Variants in RUSF1 observed in about 807,000 individuals in gnomAD.
RUSF1 encodes the protein RUS family member 1.
A neutral mutation model predicts 63.0 loss-of-function variants in RUSF1; 58 were observed. The ratio of observed to expected loss-of-function variants is 0.92; its 90% CI spans 0.75 to 1.15. The LOEUF (loss-of-function observed/expected upper bound fraction) is 1.15, where lower values mean the gene tolerates loss of function less well. Among genes scored for constraint, RUSF1 ranks in the 50% most tolerant of loss-of-function variants. The probability of loss-of-function intolerance (pLI) is 0.00; values close to 1 mark genes in which losing one functional copy is unlikely to be tolerated. For synonymous variants in RUSF1, 274 were observed against 255.8 expected (o/e 1.07, Z -0.68); for missense variants, 652 against 611.0 (o/e 1.07, Z -0.71).
At chr16:31,494,828 C>A (rs2082593775) in intron 6 of RUSF1, among the ~76,000 whole-genome samples, 1 of 152,022 alleles carries the variant, frequency 6.6e-6, no homozygotes. Flanking sequence ...CCTACCACCA[C>A]GCCTCTGCTA....
At chr16:31,493,410 G>T (rs144476126) in intron 9 of RUSF1, 57 bp downstream of exon 9, 4 of 1,541,528 alleles carry the variant, frequency 2.6e-6, no homozygotes, top group Non-Finnish European at 2.6e-6. Flanking sequence ...GTGTGTAATC[G>T]GAGTGAGGGG....
intron 5 of RUSF1, among the ~76,000 whole-genome samples, chr16:31,497,158 G>A (rs1167506346): frequency 6.6e-6 from 1 of 152,066 alleles, no homozygotes; most frequent in Non-Finnish European, 1.5e-5. Flanking sequence ...TTGGGGACTG[G>A]CCTCACAGAA....
chr16:31,493,226 C>T lies in RUSF1; in HGVS notation c.1017-178G>A, dbSNP rs556938288. On this transcript the variant is annotated intron_variant, in intron 9 of 12. Coordinates refer to ENST00000327237, the MANE Select transcript of RUSF1 (RefSeq NM_022744.4). ...CCAAATCCATCCTTTCTTCCTGTATCCAGTCATCCAACTTCCCCATCTACC... is the reference window on the plus strand; with the variant it reads ...CCAAATCCATCCTTTCTTCCTGTATTCAGTCATCCAACTTCCCCATCTACC... 4.7e-5 allele frequency: 41 copies of T among 870,912 alleles called. No homozygotes were observed. The South Asian group carries it at 5.3e-4, about 11-fold the overall frequency. 53.9% of individuals were successfully genotyped at this position (870,912 alleles called of 1,614,324 possible).
chr16:31,498,071 C>T lies in RUSF1; in HGVS notation c.601-1121G>A, dbSNP rs2082613409. Among the ~76,000 whole-genome samples, 3 of 152,000 alleles carry T rather than the reference C, an allele frequency of 2.0e-5. No individual in the cohort carries two copies. In the South Asian group the frequency reaches 6.2e-4, roughly 32 times the overall value. ...AAAAATAACAGAACTGAAGGTTCAG[C>T]CGAAGGTGACAGATAAGGGGAAGGG... is the stretch of plus-strand genomic sequence containing the variant. On this transcript the variant is annotated intron_variant, in intron 5 of 12. Coordinates refer to ENST00000327237, the MANE Select transcript of RUSF1 (RefSeq NM_022744.4).
intron 2 of RUSF1, among the ~76,000 whole-genome samples, chr16:31,503,953 C>T (rs891049192): frequency 1.3e-5 from 2 of 152,206 alleles, no homozygotes; most frequent in African/African-American, 4.8e-5. Flanking sequence ...TGAGCCACCG[C>T]ACCTGGCCAA....
intron 6 of RUSF1, among the ~76,000 whole-genome samples, chr16:31,496,604 G>A (rs1463251286): frequency 6.6e-6 from 1 of 152,164 alleles, no homozygotes; most frequent in Non-Finnish European, 1.5e-5. Flanking sequence ...CAGCTTGCAC[G>A]GTGGGGTCTG....
intron 6 of RUSF1, among the ~76,000 whole-genome samples, 189 bp from the exon 7 acceptor site, chr16:31,494,125 C>G (rs893934822): frequency 2.6e-5 from 4 of 152,142 alleles, no homozygotes; most frequent in Admixed American, 2.6e-4. Flanking sequence ...TGGCTCACAC[C>G]TGTAGTACCA....
intron 9 of RUSF1, 177 bp from the exon 10 acceptor site, chr16:31,493,225 T>A (rs1479285005): frequency 3.5e-6 from 3 of 868,924 alleles, no homozygotes; most frequent in Middle Eastern, 2.1e-4. Flanking sequence ...TCTTCCTGTA[T>A]CCAGTCATCC....
In RUSF1 at chr16:31,493,749, T is replaced by G; in HGVS notation, c.812A>C (p.His271Pro). Residue 271 changes from histidine (H) to proline (P), a missense_variant, in exon 8 of 13, where the codon CAC becomes CCC. By Grantham distance (77) the His-to-Pro change is moderately conservative (BLOSUM62 -2). Coordinates refer to ENST00000327237, the MANE Select transcript of RUSF1 (RefSeq NM_022744.4). ...GACCGCGCGGTAGTTGGCGTAGATGTGGAGGGCAGTGAGGAAGAAGAAACA... is the reference window on the plus strand; with the variant it reads ...GACCGCGCGGTAGTTGGCGTAGATGGGGAGGGCAGTGAGGAAGAAGAAACA... ...LGCFFFLTAL[H>P]IYANYRAVRA... is the part of the protein sequence containing the mutation. 3 of 1,614,126 alleles carry G rather than the reference T, an allele frequency of 1.9e-6. No individual in the cohort carries two copies. The highest frequency in any genetic ancestry group is 2.5e-6 in the Non-Finnish European group (3 of 1,180,016).
At position 31,490,122 on chromosome 16, in the gene RUSF1, A is replaced by T. The variant is rs745687701; in HGVS notation, c.*713T>A. 2.4e-5 allele frequency: 38 copies of T among 1,613,906 alleles called. No homozygotes were observed. Among genetic ancestry groups the T allele is most frequent in the Non-Finnish European group, 8.5e-7 (1 of 1,180,040 alleles). ...TCCCCAGCTCCACCGCCTGGTCTTC[A>T]GTCTCCGGCATAGCAAGGAGGAACG... On this transcript the variant is annotated 3_prime_UTR_variant, in exon 13 of 13. Coordinates refer to ENST00000327237, the MANE Select transcript of RUSF1 (RefSeq NM_022744.4).
At chr16:31,506,084 T>C (rs770318069) in intron 2 of RUSF1, among the ~76,000 whole-genome samples, 1 of 152,220 alleles carries the variant, frequency 6.6e-6, no homozygotes, top group Non-Finnish European at 1.5e-5. Flanking sequence ...AATGACTGCT[T>C]CTTGGTAGCA....
rs1222023285 is a variant in RUSF1 at position 31,508,189 on chromosome 16, G to A, written c.185C>T (p.Ala62Val). ...PEGRDAGEVGASGAPSPPLSG... is the reference protein window; with the variant it reads ...PEGRDAGEVGVSGAPSPPLSG... ...GAGGGGCGGTGAGGGGGCCCCGGAAGCCCCCACTTCGCCCGCATCTCGTCC... is the reference window on the plus strand; with the variant it reads ...GAGGGGCGGTGAGGGGGCCCCGGAAACCCCCACTTCGCCCGCATCTCGTCC... Residue 62 changes from alanine (A) to valine (V), a missense_variant, in exon 1 of 13, where the codon GCT (alanine) becomes GTT (valine). By Grantham distance (64) the Ala-to-Val change is moderately conservative. Transcript: ENST00000327237. 3.2e-6 allele frequency: 5 copies of A among 1,569,106 alleles called. No homozygotes were observed. Among genetic ancestry groups the A allele is most frequent in the East Asian group, 2.4e-5 (1 of 41,826 alleles).
chr16:31,500,582 C>A, intron 3 of RUSF1, 104 bp downstream of exon 3: 1 of 1,418,356 alleles, frequency 7.1e-7, no homozygotes, highest in Non-Finnish European at 9.6e-7. Flanking sequence ...CATAGATCAT[C>A]TCATGGAACC....
intron 1 of RUSF1, 35 bp from the exon 2 acceptor site, chr16:31,507,913 G>A: frequency 1.9e-6 from 3 of 1,547,276 alleles, no homozygotes; most frequent in African/African-American, 2.7e-5. Context: ...AGAAGCGGGC[G>A]TAGGAGCGTG....
At position 31,489,559 on chromosome 16, in the gene RUSF1, C is replaced by T. The variant is rs915749151; in HGVS notation, c.*1276G>A. 2.6e-5 allele frequency: 16 copies of T among 605,230 alleles called. No homozygotes were observed. Among genetic ancestry groups the T allele is most frequent in the African/African-American group, 7.4e-5 (4 of 54,142 alleles). The allele number at this position is 605,230 out of a possible 1,614,324, so 37.5% of individuals were successfully genotyped here. A position where few individuals can be genotyped will look rare whatever the true frequency, so the allele number is the denominator to read the frequency against. On this transcript the variant is annotated 3_prime_UTR_variant, in exon 13 of 13. Transcript: ENST00000327237. ...ATGTTGATGGGTTGGTGATTAAAGC[C>T]TCCCAAAGCCAATCCTTGGCATGGC...
At chr16:31,491,118 C>T (rs918370617) in intron 12 of RUSF1, among the ~76,000 whole-genome samples, 186 bp from the exon 13 acceptor site, 4 of 152,164 alleles carry the variant, frequency 2.6e-5, no homozygotes, top group African/African-American at 4.8e-5. Flanking sequence ...CACAGAAGAG[C>T]GCTGGGATGG....
chr16:31,500,505 C>T (rs573105546), intron 3 of RUSF1, among the ~76,000 whole-genome samples, 181 bp downstream of exon 3: 60 of 152,336 alleles, frequency 3.9e-4, no homozygotes, highest in Admixed American at 3.0e-3. Flanking sequence ...GGCACAGTTA[C>T]AGCTGTTAAT....
intron 2 of RUSF1, 53 bp from the exon 3 acceptor site, chr16:31,500,784 G>C: frequency 6.4e-7 from 1 of 1,571,240 alleles, no homozygotes; most frequent in Non-Finnish European, 8.7e-7. Flanking sequence ...GGGAGCTGTG[G>C]GGCCTGGCAG....
chr16:31,490,078 C>T lies in RUSF1; in HGVS notation c.*757G>A. 1 of 1,612,764 alleles carries T rather than the reference C, an allele frequency of 6.2e-7. No individual in the cohort carries two copies. Among genetic ancestry groups the T allele is most frequent in the Non-Finnish European group, 8.5e-7 (1 of 1,179,908 alleles). ...AGGCATGGGGGGACAGAACTCCCAC[C>T]TCGTTCGTGCTCCCACCCTCCCCAG... On this transcript the variant is annotated 3_prime_UTR_variant, in exon 13 of 13. Coordinates refer to ENST00000327237, the MANE Select transcript of RUSF1 (RefSeq NM_022744.4).
Sources: gnomAD v4.1 joint callset for allele counts (sites outside exome capture counted in the v4.1 genomes callset) on GRCh38, gnomAD v4.1.1 for gene constraint, MANE v1.5 for transcripts, NCBI Gene and HGNC (gene_info 2026-07-23, HGNC 2026-07-21) for gene names.